Variants in CCDC57 observed in about 807,000 individuals in gnomAD.
CCDC57 encodes coiled-coil domain containing 57.
CCDC57 carries 118 observed loss-of-function variants against 118.9 expected under a neutral mutation model. The ratio of observed to expected loss-of-function variants is 0.99; its 90% CI spans 0.86 to 1.16. The LOEUF is 1.16. Among genes scored for constraint, CCDC57 ranks in the 50% most tolerant of loss-of-function variants. The pLI is 0.00. For synonymous variants in CCDC57, 527 were observed against 532.9 expected (o/e 0.99, Z 0.15); for missense variants, 1,300 against 1,320.7 (o/e 0.98, Z 0.24).
intron 19 of CCDC57, among the ~76,000 whole-genome samples, chr17:82,108,420 A>G (rs1045475690): frequency 2.6e-5 from 4 of 152,172 alleles, no homozygotes; most frequent in Non-Finnish European, 5.9e-5. Context: ...AAATCTGCAT[A>G]TTTATAGCAG....
intron 1 of CCDC57, among the ~76,000 whole-genome samples, chr17:82,211,614 C>G (rs1303888911): frequency 6.7e-6 from 1 of 149,878 alleles, no homozygotes; most frequent in Non-Finnish European, 1.5e-5. Flanking sequence ...ATGGCGCGAT[C>G]TTGGCTCTCC....
At chr17:82,107,542 G>C (rs1165338989) in intron 19 of CCDC57, 1 of 470,854 alleles carries the variant, frequency 2.1e-6, no homozygotes, top group Non-Finnish European at 4.4e-6. Context: ...AGGTAGGTGC[G>C]TGCTTCTGGA....
chr17:82,130,179 G>T (rs1341890363), intron 17 of CCDC57, among the ~76,000 whole-genome samples: 2 of 152,080 alleles, frequency 1.3e-5, no homozygotes, highest in African/African-American at 2.4e-5. Flanking sequence ...CCAGCCTGGG[G>T]AGCAGAGACC....
chr17:82,133,289 A>G (rs1023126227), intron 17 of CCDC57, among the ~76,000 whole-genome samples: 1 of 151,438 alleles, frequency 6.6e-6, no homozygotes, highest in African/African-American at 2.4e-5. Context: ...TGGGAGGATC[A>G]CTTGAGCCTA....
intron 8 of CCDC57, 105 bp from the exon 8 acceptor site, chr17:82,184,037 A>AGG (rs1568401727): frequency 3.1e-6 from 1 of 318,514 alleles, no homozygotes; most frequent in Non-Finnish European, 6.2e-6. Context: ...GCGCGCACAC[A>AGG]CACACACACA....
At chr17:82,171,599 G>T in intron 13 of CCDC57, 102 bp downstream of exon 12, 1 of 1,295,368 alleles carries the variant, frequency 7.7e-7, no homozygotes, top group Non-Finnish European at 1.1e-6. Flanking sequence ...CCCAACGTCT[G>T]CAGTAGCCTT....
intron 13 of CCDC57, among the ~76,000 whole-genome samples, chr17:82,166,621 A>G (rs2044019916): frequency 1.3e-5 from 2 of 152,012 alleles, no homozygotes; most frequent in South Asian, 4.1e-4. Flanking sequence ...TATAAAGAAA[A>G]CTAAGGCCAA....
At chr17:82,196,066 T>C (rs1460839323) in intron 4 of CCDC57, among the ~76,000 whole-genome samples, 1 of 152,236 alleles carries the variant, frequency 6.6e-6, no homozygotes, top group Non-Finnish European at 1.5e-5. Flanking sequence ...TCAGCCATAG[T>C]CACGGCCCAG....
intron 8 of CCDC57, 21 bp from the exon 8 acceptor site, chr17:82,183,953 A>G (rs1275973432): frequency 6.3e-7 from 1 of 1,594,158 alleles, no homozygotes; most frequent in Non-Finnish European, 8.6e-7. Flanking sequence ...AAGGGAAACT[A>G]TGTAGATGTG....
intron 8 of CCDC57, 97 bp from the exon 8 acceptor site, chr17:82,184,029 G>GCC (rs1216297514): frequency 8.8e-6 from 2 of 228,180 alleles, no homozygotes; most frequent in Non-Finnish European, 1.6e-5. Flanking sequence ...GCGCGCGCGC[G>GCC]CGCACACACA....
chr17:82,130,443 C>T (rs1216940849), intron 17 of CCDC57, among the ~76,000 whole-genome samples: 2 of 151,138 alleles, frequency 1.3e-5, no homozygotes, highest in South Asian at 2.1e-4. Context: ...AATCTGCTCG[C>T]CTTGGCCCCA....
At position 82,183,859 on chromosome 17, in the gene CCDC57, A is replaced by T. The variant is rs766909544; in HGVS notation, c.1126T>A (p.Ser376Thr). The T allele has an allele frequency of 6.2e-6, 10 of 1,613,208 alleles. No homozygotes were observed. The East Asian group carries it at 2.2e-4, about 36-fold the overall frequency. The change falls in exon 9 of 20, where the codon TCC becomes ACC. Residue 376 changes from serine (S) to threonine (T), a missense_variant. By Grantham distance (58) the Ser-to-Thr change is moderately conservative. Coordinates refer to ENST00000665763, the Ensembl canonical transcript of CCDC57. ...AGCGTCTGAATCTGAAGGTCTCTGG[A>T]GACCATCTCCTTAGATAGTTGAGCA...
intron 13 of CCDC57, among the ~76,000 whole-genome samples, chr17:82,169,562 G>C (rs912198476): frequency 1.3e-5 from 2 of 152,188 alleles, no homozygotes; most frequent in Non-Finnish European, 2.9e-5. Context: ...CCAGCAGGGT[G>C]AAGGCATCTG....
At position 82,172,395 on chromosome 17, in the gene CCDC57, G is replaced by T. The variant is rs919047430; in HGVS notation, c.1729+243C>A. Among the ~76,000 whole-genome samples, 1 of 152,216 alleles carries T rather than the reference G, an allele frequency of 6.6e-6. No individual in the cohort carries two copies. Among genetic ancestry groups the T allele is most frequent in the African/African-American group, 2.4e-5 (1 of 41,464 alleles). On this transcript the variant is annotated intron_variant, in intron 12 of 19. Coordinates refer to ENST00000665763, the Ensembl canonical transcript of CCDC57. The surrounding 1 kb of genome is among the most constrained non-coding windows in gnomAD (Gnocchi z 5.2). Reference sequence around the variant, plus strand: ...TAAAACAGGTTTTTAAGTGTGTCAAGCAGGTACCCTCATTTTTTCCTTCCA... The same window carrying T: ...TAAAACAGGTTTTTAAGTGTGTCAATCAGGTACCCTCATTTTTTCCTTCCA...
At chr17:82,154,114 G>A (rs2042392279) in intron 15 of CCDC57, 2 of 152,486 alleles carry the variant, frequency 1.3e-5, no homozygotes, top group African/African-American at 2.4e-5. Context: ...CCAGTGACTG[G>A]GGGAAGTTTT....
At chr17:82,158,390 G>T (rs530353905) in intron 14 of CCDC57, among the ~76,000 whole-genome samples, 1 of 152,254 alleles carries the variant, frequency 6.6e-6, no homozygotes, top group East Asian at 1.9e-4. Flanking sequence ...TGAGGCTATT[G>T]AAAGGCAGGT....
chr17:82,157,348 C>T, intron 15 of CCDC57: 1 of 780,314 alleles, frequency 1.3e-6, no homozygotes, highest in Non-Finnish European at 1.6e-6. Context: ...AGGGAGGGCC[C>T]AACGCTAGGC....
Position 82,118,610 on chromosome 17 carries a change from G to A in CCDC57, c.2899+9082C>T, listed in dbSNP as rs1173089022. On this transcript the variant is annotated intron_variant, in intron 19 of 19. Coordinates refer to ENST00000665763, the Ensembl canonical transcript of CCDC57. This position sits in a 1 kb window ranked among gnomAD's most constrained non-coding sequence, Gnocchi z 4.7. ...ACTCTAGGGAGGTGGAGGCAGGCCT[G>A]CTGCAGGGGGTCGGCTTCAGAAGCA... 6.6e-6 allele frequency among the ~76,000 whole-genome samples: 1 copy of A among 152,084 alleles called. No homozygotes were observed. Among genetic ancestry groups the A allele is most frequent in the Non-Finnish European group, 1.5e-5 (1 of 68,010 alleles).
chr17:82,163,335 T>G (rs748166546), exon 14 of CCDC57: 1 of 1,613,922 alleles, frequency 6.2e-7, no homozygotes, highest in Non-Finnish European at 8.5e-7. Context: ...ACCCTCCGGC[T>G]TGACCAGCTT....
Sources: gnomAD v4.1 joint callset for allele counts (sites outside exome capture counted in the v4.1 genomes callset) on GRCh38, gnomAD v4.1.1 for gene constraint, Gnocchi (gnomAD v3.1) non-coding constraint, MANE v1.5 for transcripts, NCBI Gene and HGNC (gene_info 2026-07-23, HGNC 2026-07-21) for gene names.